Variants in TTC23 observed in about 807,000 individuals in gnomAD.
The protein encoded by TTC23 is tetratricopeptide repeat domain 23, also known as tetratricopeptide repeat protein 23.
In TTC23, 58 loss-of-function variants were observed where a neutral mutation model predicts 55.1. The observed-to-expected ratio is 1.05, with a 90% CI of 0.85 to 1.31. The LOEUF (loss-of-function observed/expected upper bound fraction) is 1.31, where lower values mean the gene tolerates loss of function less well. Among genes scored for constraint, TTC23 ranks in the 50% most tolerant of loss-of-function variants. The probability of loss-of-function intolerance (pLI) is 0.00; values close to 1 mark genes in which losing one functional copy is unlikely to be tolerated. For synonymous variants in TTC23, 203 were observed against 199.9 expected, an observed-to-expected ratio of 1.02 and a Z score of -0.13; for missense variants, 516 against 534.4, an observed-to-expected ratio of 0.97 and a Z score of 0.34.
chr15:99,178,055 A>C (rs1324424817), intron 9 of TTC23, among the ~76,000 whole-genome samples: 2 of 152,030 alleles, frequency 1.3e-5, no homozygotes, highest in Non-Finnish European at 2.9e-5. Flanking sequence ...GGTGGCATAC[A>C]CCTGTAGTCC....
chr15:99,137,545 G>A lies in TTC23; in HGVS notation c.*465C>T, dbSNP rs1283850625. ...ACACATGCTGACAGCAGCGTGTTCA[G>A]GTTTCCCTTTATTAGCGTTTTCTTC... On this transcript the variant is annotated 3_prime_UTR_variant, in exon 14 of 14. Coordinates refer to ENST00000394132, the MANE Select transcript of TTC23 (RefSeq NM_001288615.3). 1.3e-5 allele frequency: 2 copies of A among 153,074 alleles called. No individual in the cohort carries two copies. Among genetic ancestry groups the A allele is most frequent in the African/African-American group, 4.8e-5 (2 of 41,454 alleles). 9.5% of individuals were successfully genotyped at this position (153,074 alleles called of 1,614,324 possible).
At chr15:99,240,302 G>A (rs1189141201) in intron 3 of TTC23, among the ~76,000 whole-genome samples, 3 of 152,122 alleles carry the variant, frequency 2.0e-5, no homozygotes, top group Admixed American at 2.0e-4. Context: ...GTAAAAACTG[G>A]TTTGTCTCAT....
At chr15:99,201,243 A>C (rs1292956340) in intron 8 of TTC23, among the ~76,000 whole-genome samples, 1 of 152,220 alleles carries the variant, frequency 6.6e-6, no homozygotes, top group Non-Finnish European at 1.5e-5. Flanking sequence ...TAGAATAAGA[A>C]TCTCTCATAT....
intron 10 of TTC23, among the ~76,000 whole-genome samples, chr15:99,169,398 T>C (rs2072602747): frequency 6.6e-6 from 1 of 152,016 alleles, no homozygotes; most frequent in Non-Finnish European, 1.5e-5. Context: ...GGAGGCATCA[T>C]GAGAGAGGTA....
At chr15:99,241,726 T>C (rs2079815384) in intron 2 of TTC23, among the ~76,000 whole-genome samples, 167 bp from the exon 3 acceptor site, 2 of 152,212 alleles carry the variant, frequency 1.3e-5, no homozygotes, top group Admixed American at 1.3e-4. Flanking sequence ...TGGAGCTCAG[T>C]TCTGAAGGTC....
chr15:99,239,199 G>C (rs1315764079), intron 3 of TTC23, among the ~76,000 whole-genome samples: 1 of 151,934 alleles, frequency 6.6e-6, no homozygotes, highest in Non-Finnish European at 1.5e-5. Flanking sequence ...AATGTTAAAG[G>C]TCGGCTGGGC....
At position 99,217,179 on chromosome 15, in the gene TTC23, CA is replaced by C. The variant is rs575999933; in HGVS notation, c.581+1408del. Among the ~76,000 whole-genome samples the C allele has an allele frequency of 1.3e-4, 20 of 148,516 alleles. No individual in the cohort carries two copies. In the East Asian group the frequency reaches 1.6e-3, roughly 12 times the overall value. Reference sequence around the variant, plus strand: ...TTTTCTCTTCTTTTTTTTTTTGAGACAGAGTCTCACTCTGTCACCCAGGCTG... The same window carrying C: ...TTTTCTCTTCTTTTTTTTTTTGAGACGAGTCTCACTCTGTCACCCAGGCTG... On this transcript the variant is annotated intron_variant, in intron 8 of 13. Coordinates refer to ENST00000394132, the MANE Select transcript of TTC23 (RefSeq NM_001288615.3).
intron 8 of TTC23, among the ~76,000 whole-genome samples, chr15:99,203,493 T>C (rs2076359554): frequency 6.6e-6 from 1 of 152,046 alleles, no homozygotes; most frequent in African/African-American, 2.4e-5. Flanking sequence ...TTCCATTCTT[T>C]AATTATTTAA....
chr15:99,244,446 C>T (rs998625821), intron 2 of TTC23, among the ~76,000 whole-genome samples: 3 of 152,014 alleles, frequency 2.0e-5, no homozygotes, highest in Admixed American at 6.6e-5. Context: ...TAAATAAGTT[C>T]GGCAAGGCCA....
chr15:99,200,458 T>C (rs2076108541), intron 8 of TTC23, among the ~76,000 whole-genome samples: 1 of 152,198 alleles, frequency 6.6e-6, no homozygotes, highest in South Asian at 2.1e-4. Flanking sequence ...CAGTAAGTGC[T>C]ATATGGGTAG....
intron 3 of TTC23, among the ~76,000 whole-genome samples, chr15:99,238,999 G>C (rs79860841): frequency 6.6e-6 from 1 of 152,144 alleles, no homozygotes; most frequent in Admixed American, 6.5e-5. Flanking sequence ...TAAAATGCTG[G>C]ATTTCAGGCT....
intron 5 of TTC23, among the ~76,000 whole-genome samples, chr15:99,227,805 T>C (rs1277547094): frequency 6.6e-6 from 1 of 152,204 alleles, no homozygotes; most frequent in Non-Finnish European, 1.5e-5. Context: ...CTTCCTCACC[T>C]GTCCAACTCC....
intron 9 of TTC23, among the ~76,000 whole-genome samples, chr15:99,189,933 T>C (rs2075082724): frequency 6.6e-6 from 1 of 152,066 alleles, no homozygotes; most frequent in Admixed American, 6.6e-5. Flanking sequence ...TCCCAGCACT[T>C]TGGGAGGCTG....
At chr15:99,157,532 C>T (rs1214782244) in intron 11 of TTC23, 1 of 152,094 alleles carries the variant, frequency 6.6e-6, no homozygotes, top group East Asian at 1.9e-4. Flanking sequence ...ACATTTTAGT[C>T]CCATGCTTTT....
chr15:99,171,405 G>A (rs1283187073), intron 10 of TTC23, among the ~76,000 whole-genome samples: 2 of 151,998 alleles, frequency 1.3e-5, no homozygotes, highest in Non-Finnish European at 2.9e-5. Context: ...TCTGTAAAAT[G>A]GGAGGTCCTG....
At chr15:99,203,017 C>A (rs2076322580) in intron 8 of TTC23, among the ~76,000 whole-genome samples, 1 of 152,168 alleles carries the variant, frequency 6.6e-6, no homozygotes, top group African/African-American at 2.4e-5. Context: ...ACACCATATG[C>A]AACAGCCTCA....
At chr15:99,223,995 G>A (rs192656807) in intron 5 of TTC23, among the ~76,000 whole-genome samples, 16 of 152,264 alleles carry the variant, frequency 1.1e-4, no homozygotes, top group Admixed American at 5.2e-4. Context: ...TAGGATGCAC[G>A]CCCATCAATG....
chr15:99,161,160 G>A (rs574759251), intron 11 of TTC23: 1 of 123,376 alleles, frequency 8.1e-6, no homozygotes, highest in Non-Finnish European at 1.7e-5. Flanking sequence ...ATCTGTGGGC[G>A]ATTGTATATA....
chr15:99,231,452 C>A (rs1416117197), intron 4 of TTC23, among the ~76,000 whole-genome samples: 1 of 152,168 alleles, frequency 6.6e-6, no homozygotes, highest in African/African-American at 2.4e-5. Context: ...TATTGATGAT[C>A]CTGACTGTGT....
Sources: allele counts gnomAD v4.1 joint callset (sites outside exome capture counted in the v4.1 genomes callset), GRCh38; gene constraint gnomAD v4.1.1; transcripts MANE v1.5; gene names NCBI Gene and HGNC (gene_info 2026-07-23, HGNC 2026-07-21).